Variants in SLC4A7 observed in about 807,000 individuals in gnomAD.
SLC4A7 encodes the protein solute carrier family 4 member 7.
SLC4A7 carries 51 observed loss-of-function variants against 137.6 expected under a neutral mutation model. That is an observed-to-expected ratio of 0.37 (90% CI 0.30 to 0.47). SLC4A7 has a LOEUF of 0.47. SLC4A7 is among the 20% of genes least tolerant of loss of function. SLC4A7 has a pLI of 1.00. For missense variants in SLC4A7, 1,247 were observed against 1,525.4 expected (o/e 0.82, Z 3.04); for synonymous variants, 542 against 518.6 (o/e 1.05, Z -0.61).
chr3:27,419,841 T>G (rs1428682416), intron 10 of SLC4A7, among the ~76,000 whole-genome samples: 2 of 151,934 alleles, frequency 1.3e-5, no homozygotes, highest in African/African-American at 2.4e-5. Context: ...ACAGATTAAA[T>G]GCAAAACACA....
At chr3:27,378,386 C>T (rs892221402) in intron 25 of SLC4A7, among the ~76,000 whole-genome samples, 2 of 152,104 alleles carry the variant, frequency 1.3e-5, no homozygotes, top group African/African-American at 2.4e-5. Flanking sequence ...CCCAACATAG[C>T]ATCTCACACA....
rs574048998 is a variant in SLC4A7, at chr3:27,454,983, C to T, written c.61-2485G>A. Among the ~76,000 whole-genome samples the T allele has an allele frequency of 5.0e-4, 75 of 151,278 alleles. No homozygotes were observed. The South Asian group carries it at 5.6e-3, about 11-fold the overall frequency. On this transcript the variant is annotated intron_variant, in intron 1 of 25. Coordinates refer to ENST00000454389, the MANE Select transcript of SLC4A7 (RefSeq NM_001321103.2). ...TCTAAATATCTATCATAGATAAATGCTCCCACATGTACCAAACATGACATG... is the reference window on the plus strand; with the variant it reads ...TCTAAATATCTATCATAGATAAATGTTCCCACATGTACCAAACATGACATG...
At chr3:27,392,775 A>T (rs2051707500) in intron 20 of SLC4A7, among the ~76,000 whole-genome samples, 1 of 152,014 alleles carries the variant, frequency 6.6e-6, no homozygotes, top group Non-Finnish European at 1.5e-5. Flanking sequence ...GCAGTGAGCC[A>T]AGATCATGTC....
At chr3:27,391,488 G>A (rs1474246811) in intron 21 of SLC4A7, among the ~76,000 whole-genome samples, 1 of 152,060 alleles carries the variant, frequency 6.6e-6, no homozygotes, top group African/African-American at 2.4e-5. Context: ...TCTTTATTGA[G>A]TTATAGGGCT....
chr3:27,472,972 C>T (rs1422002433), intron 1 of SLC4A7, among the ~76,000 whole-genome samples: 8 of 151,768 alleles, frequency 5.3e-5, no homozygotes, highest in African/African-American at 1.5e-4. Context: ...CCCAGCTACT[C>T]GGGAGGCTGA....
intron 1 of SLC4A7, among the ~76,000 whole-genome samples, chr3:27,455,858 A>C (rs867915349): frequency 1.1e-4 from 17 of 151,960 alleles, no homozygotes; most frequent in African/African-American, 4.1e-4. Flanking sequence ...CCTTGTCTCA[A>C]AAAAAAACAC....
At chr3:27,378,962 G>T (rs2149999229) in intron 25 of SLC4A7, among the ~76,000 whole-genome samples, 1 of 152,214 alleles carries the variant, frequency 6.6e-6, no homozygotes, top group African/African-American at 2.4e-5. Flanking sequence ...GGAGTGCAAT[G>T]GCATGATCTG....
rs1033898304 is a variant in SLC4A7, at chr3:27,427,600, C to T, written c.1151-3448G>A. Reference sequence around the variant, plus strand: ...TGACACAAAAATCCATGGTGTTAGTCGCTTGAGACATAATGATGCTGAGGC... The same window carrying T: ...TGACACAAAAATCCATGGTGTTAGTTGCTTGAGACATAATGATGCTGAGGC... On this transcript the variant is annotated intron_variant, in intron 7 of 25. Transcript: ENST00000454389. Among the ~76,000 whole-genome samples the T allele has an allele frequency of 3.3e-5, 5 of 152,026 alleles. No individual in the cohort carries two copies. In the South Asian group the frequency reaches 8.3e-4, roughly 25 times the overall value.
intron 1 of SLC4A7, among the ~76,000 whole-genome samples, chr3:27,459,255 A>C (rs2058569070): frequency 6.6e-6 from 1 of 151,846 alleles, no homozygotes; most frequent in Non-Finnish European, 1.5e-5. Context: ...ACAAAACAAA[A>C]TATTATACAC....
Position 27,394,514 on chromosome 3 carries a change from T to G in SLC4A7, c.3117+4A>C. On this transcript the variant is annotated splice_donor_region_variant and intron_variant, in intron 20 of 25. Coordinates refer to ENST00000454389, the MANE Select transcript of SLC4A7 (RefSeq NM_001321103.2). Reference sequence around the variant, plus strand: ...TGTAAAACACGGCAATAAAGAAATTTTACCTTTAGGACTGAAGTCATGAAC... The same window carrying G: ...TGTAAAACACGGCAATAAAGAAATTGTACCTTTAGGACTGAAGTCATGAAC... 6.2e-7 allele frequency: 1 copy of G among 1,608,988 alleles called. No individual in the cohort carries two copies. Among genetic ancestry groups the G allele is most frequent in the South Asian group, 1.1e-5 (1 of 90,084 alleles).
At chr3:27,442,005 G>A (rs910504588) in intron 3 of SLC4A7, among the ~76,000 whole-genome samples, 3 of 151,562 alleles carry the variant, frequency 2.0e-5, no homozygotes, top group African/African-American at 4.9e-5. Context: ...TCCTGCCTCA[G>A]CCTCCTGAAT....
At chr3:27,433,395 G>A (rs536209705) in intron 6 of SLC4A7, among the ~76,000 whole-genome samples, 8 of 152,220 alleles carry the variant, frequency 5.3e-5, no homozygotes, top group Middle Eastern at 3.4e-3. Flanking sequence ...AGAGGTAAAC[G>A]ACTGCAAAAA....
At chr3:27,419,413 A>G (rs937576374) in intron 10 of SLC4A7, among the ~76,000 whole-genome samples, 2 of 151,868 alleles carry the variant, frequency 1.3e-5, no homozygotes, top group Non-Finnish European at 2.9e-5. Flanking sequence ...TACTAAAACT[A>G]CAAAATTAGC....
At chr3:27,434,613 TACAA>T (rs1559758828) in intron 5 of SLC4A7, among the ~76,000 whole-genome samples, 1 of 151,946 alleles carries the variant, frequency 6.6e-6, no homozygotes, top group Non-Finnish European at 1.5e-5. Context: ...GAAACCAACA[TACAA>T]ACAGATAAAA....
At chr3:27,383,998 C>T (rs1294146826) in intron 23 of SLC4A7, among the ~76,000 whole-genome samples, 1 of 152,084 alleles carries the variant, frequency 6.6e-6, no homozygotes, top group African/African-American at 2.4e-5. Flanking sequence ...GATTAAGGCT[C>T]AAGCTCAGGT....
In SLC4A7 at chr3:27,456,265, A is replaced by G. The variant is rs528239546; in HGVS notation, c.61-3767T>C. ...TCCATTATATAAGACATATGGCTAT[A>G]GCCTAAAGTAATGCCTCCCATAAAT... On this transcript the variant is annotated intron_variant, in intron 1 of 25. Transcript: ENST00000454389. Among the ~76,000 whole-genome samples the G allele has an allele frequency of 4.6e-5, 7 of 152,354 alleles. No homozygotes were observed. The East Asian group carries it at 1.3e-3, about 29-fold the overall frequency.
chr3:27,438,974 A>G (rs2056978381), intron 3 of SLC4A7, among the ~76,000 whole-genome samples: 1 of 152,222 alleles, frequency 6.6e-6, no homozygotes, highest in Admixed American at 6.5e-5. Context: ...AGGAACCCGA[A>G]ACAGATGAAT....
chr3:27,403,091 T>C (rs1361820369), intron 15 of SLC4A7, 48 bp downstream of exon 15: 1 of 1,550,802 alleles, frequency 6.4e-7, no homozygotes. Flanking sequence ...GGCTCTGACA[T>C]CTCTGTAAAA....
rs1434491813 is a variant in SLC4A7, at chr3:27,376,146, G to A, written c.*618C>T. On this transcript the variant is annotated 3_prime_UTR_variant, in exon 26 of 26. Coordinates refer to ENST00000454389, the MANE Select transcript of SLC4A7 (RefSeq NM_001321103.2). ...TCACAATGGATACCTAGATATGAAG[G>A]TTTTAAGATTTAAAAAAAATTTAAA... 6.6e-6 allele frequency: 1 copy of A among 151,896 alleles called. No individual in the cohort carries two copies. Among genetic ancestry groups the A allele is most frequent in the Middle Eastern group, 3.2e-3 (1 of 316 alleles). 9.4% of individuals were successfully genotyped at this position (151,896 alleles called of 1,614,324 possible).
Sources: gnomAD v4.1 joint callset for allele counts (sites outside exome capture counted in the v4.1 genomes callset) on GRCh38, gnomAD v4.1.1 for gene constraint, MANE v1.5 for transcripts, NCBI Gene and HGNC (gene_info 2026-07-23, HGNC 2026-07-21) for gene names.